Variants in DYNC1LI1 observed in about 807,000 individuals in gnomAD.
The protein encoded by DYNC1LI1 is dynein cytoplasmic 1 light intermediate chain 1.
DYNC1LI1 carries 19 observed loss-of-function variants against 63.8 expected under a neutral mutation model. That is an observed-to-expected ratio of 0.30 (90% CI 0.21 to 0.44). The LOEUF (loss-of-function observed/expected upper bound fraction) is 0.44. DYNC1LI1 is among the 20% of genes least tolerant of loss of function. The pLI is 1.00. For missense variants in DYNC1LI1, 565 were observed against 630.2 expected (o/e 0.90, Z 1.11); for synonymous variants, 225 against 232.3 (o/e 0.97, Z 0.28).
chr3:32,570,830 G>T lies in DYNC1LI1; in HGVS notation c.-60C>A. On this transcript the variant is annotated 5_prime_UTR_variant, in exon 1 of 13. Coordinates refer to ENST00000273130, the MANE Select transcript of DYNC1LI1 (RefSeq NM_016141.4). ...AAATGTGCGAGGCGGCTGAGGCGGT[G>T]GCGGTGGAGGCGGCGGGAACCCGGA... 1.3e-6 allele frequency: 2 copies of T among 1,545,580 alleles called. No individual in the cohort carries two copies. The highest frequency in any genetic ancestry group is 1.7e-6 in the Non-Finnish European group (2 of 1,144,148).
rs146680086 is a variant in DYNC1LI1 at position 32,537,068 on chromosome 3, A to G, written c.775T>C (p.Tyr259His). The part of the protein sequence containing the change: ...AISVLEKEHD[Y>H]RDEHFDFIQS... ...ATAAAATCAAAATGTTCATCTCTGT[A>G]GTCATGTTCTTTCTCCAATACACTA... is the stretch of plus-strand genomic sequence containing the variant. Residue 259 changes from tyrosine (Y) to histidine (H), a missense_variant, in exon 6 of 13, where the codon TAC (tyrosine) becomes CAC (histidine). By Grantham distance (83) the Tyr-to-His change is moderately conservative. Coordinates refer to ENST00000273130, the MANE Select transcript of DYNC1LI1 (RefSeq NM_016141.4). The G allele has an allele frequency of 6.3e-7, 1 of 1,598,408 alleles. No individual in the cohort carries two copies. Among genetic ancestry groups the G allele is most frequent in the Non-Finnish European group, 8.5e-7 (1 of 1,173,722 alleles).
intron 8 of DYNC1LI1, chr3:32,531,459 T>C (rs1446736201): frequency 6.6e-6 from 1 of 152,292 alleles, no homozygotes; most frequent in Non-Finnish European, 1.5e-5. Context: ...TCCTGCTTTA[T>C]TTCTGTAGCA....
chr3:32,559,810 T>C (rs916272262), intron 2 of DYNC1LI1, among the ~76,000 whole-genome samples: 2 of 152,218 alleles, frequency 1.3e-5, no homozygotes, highest in African/African-American at 4.8e-5. Flanking sequence ...TTTGGACTTA[T>C]ATAACATAAA....
Position 32,526,808 on chromosome 3 carries a change from T to G in DYNC1LI1, c.1563A>C (p.Glu521Asp), listed in dbSNP as rs1697624737. 1.2e-6 allele frequency: 2 copies of G among 1,608,752 alleles called. No individual in the cohort carries two copies. The highest frequency in any genetic ancestry group is 1.7e-5 in the Admixed American group (1 of 59,986). The change falls in exon 13 of 13, where the codon GAA becomes GAC. Residue 521 changes from glutamate to aspartate, a missense_variant. Glu to Asp is a conservative substitution (Grantham distance 45). Transcript: ENST00000273130. ...PTTPTSPTEG[E>D]AS is the part of the protein sequence containing the mutation. ...GCTTTATTTGGTATCTTCAAGAAGC[T>G]TCTCCTTCCGTAGGAGATGTAGGTG...
At chr3:32,557,439 T>C (rs75441748) in intron 2 of DYNC1LI1, among the ~76,000 whole-genome samples, 11,090 of 151,854 alleles carry the variant, frequency 0.073, 528 homozygotes, top group Middle Eastern at 0.14. Context: ...GGAGAAACAC[T>C]TGAATCTAGG....
At chr3:32,528,322 G>T in intron 12 of DYNC1LI1, 124 bp downstream of exon 12, 1 of 1,005,436 alleles carries the variant, frequency 9.9e-7, no homozygotes, top group Non-Finnish European at 1.5e-6. Context: ...AGATTATGGT[G>T]ATGGCCTGCC....
At chr3:32,530,183 A>T (rs1439611502) in intron 10 of DYNC1LI1, 101 bp downstream of exon 10, 1 of 956,720 alleles carries the variant, frequency 1.0e-6, no homozygotes, top group African/African-American at 1.7e-5. Context: ...TCAAGTTTAT[A>T]TCAAAGCACA....
chr3:32,539,028 T>C (rs943062471), intron 5 of DYNC1LI1, among the ~76,000 whole-genome samples: 1 of 152,196 alleles, frequency 6.6e-6, no homozygotes, highest in Non-Finnish European at 1.5e-5. Flanking sequence ...CATTTTTCTT[T>C]TGGAAAGTAA....
chr3:32,540,717 A>G (rs1196541373), intron 5 of DYNC1LI1, among the ~76,000 whole-genome samples: 1 of 151,986 alleles, frequency 6.6e-6, no homozygotes, highest in Non-Finnish European at 1.5e-5. Flanking sequence ...TTGAAAAATA[A>G]TTTTATAAAA....
chr3:32,544,743 C>CAA (rs35750953), intron 4 of DYNC1LI1, 133 bp downstream of exon 4: 1,009 of 553,244 alleles, frequency 1.8e-3, no homozygotes, highest in African/African-American at 4.6e-3. Flanking sequence ...CTCTTGTCTC[C>CAA]AAAAAAAAAA....
intron 2 of DYNC1LI1, among the ~76,000 whole-genome samples, chr3:32,564,871 T>C (rs1015081205): frequency 1.2e-4 from 19 of 152,292 alleles, no homozygotes; most frequent in Admixed American, 8.5e-4. Context: ...TAGAAAACCA[T>C]ACACTCCCTT....
chr3:32,540,889 T>C (rs1240894556), intron 5 of DYNC1LI1, 148 bp downstream of exon 5: 1 of 490,938 alleles, frequency 2.0e-6, no homozygotes, highest in African/African-American at 2.0e-5. Context: ...AACATGTTAA[T>C]ATCATTAAAT....
At chr3:32,537,159 T>C (rs548397681) in intron 5 of DYNC1LI1, 55 bp from the exon 6 acceptor site, 38 of 1,027,754 alleles carry the variant, frequency 3.7e-5, no homozygotes, top group South Asian at 2.9e-4. Flanking sequence ...TAACTAAATA[T>C]AGTAATTTAA....
chr3:32,526,041 G>C lies in DYNC1LI1; in HGVS notation c.*758C>G, dbSNP rs935958176. On this transcript the variant is annotated 3_prime_UTR_variant, in exon 13 of 13. Coordinates refer to ENST00000273130, the MANE Select transcript of DYNC1LI1 (RefSeq NM_016141.4). ...ACAGTTGAAAGTCACAAACAAAAAA[G>C]GGGGTATATTAAGGCAAAGCCATAT... The C allele has an allele frequency of 6.6e-6, 1 of 152,046 alleles. No individual in the cohort carries two copies. The highest frequency in any genetic ancestry group is 2.4e-5 in the African/African-American group (1 of 41,120). The allele number at this position is 152,046 out of a possible 1,614,324, so 9.4% of individuals were successfully genotyped here.
At chr3:32,538,668 T>A (rs1378451742) in intron 5 of DYNC1LI1, among the ~76,000 whole-genome samples, 1 of 151,816 alleles carries the variant, frequency 6.6e-6, no homozygotes, top group Admixed American at 6.6e-5. Context: ...GCCACCGCAC[T>A]CTAGCCTGGG....
At chr3:32,541,606 C>T (rs1175348953) in intron 4 of DYNC1LI1, among the ~76,000 whole-genome samples, 1 of 152,196 alleles carries the variant, frequency 6.6e-6, no homozygotes, top group Non-Finnish European at 1.5e-5. Flanking sequence ...TTTTCTAATA[C>T]TAACTTCTTT....
chr3:32,527,731 T>C (rs547333540), intron 12 of DYNC1LI1, among the ~76,000 whole-genome samples: 1 of 152,128 alleles, frequency 6.6e-6, no homozygotes, highest in African/African-American at 2.4e-5. Flanking sequence ...ATATTAATAA[T>C]AGTCAAAAAG....
chr3:32,557,681 T>A (rs1350967912), intron 2 of DYNC1LI1, among the ~76,000 whole-genome samples: 2 of 152,138 alleles, frequency 1.3e-5, no homozygotes, highest in Admixed American at 6.6e-5. Context: ...TAAAATAAAA[T>A]AATTTACTTT....
chr3:32,532,487 G>GTATATATATATATATATATATATATA (rs140866478), intron 8 of DYNC1LI1: 22 of 125,366 alleles, frequency 1.8e-4, no homozygotes, highest in South Asian at 8.0e-4. Flanking sequence ...AAAAATGTGT[G>GTATATATATATATATATATATATATA]TATATATATA....
Sources: gnomAD v4.1 joint callset for allele counts (sites outside exome capture counted in the v4.1 genomes callset) on GRCh38, gnomAD v4.1.1 for gene constraint, MANE v1.5 for transcripts, NCBI Gene and HGNC (gene_info 2026-07-23, HGNC 2026-07-21) for gene names.